Variants in ZNF35 observed in about 807,000 individuals in gnomAD.
ZNF35 encodes zinc finger protein 35 (clone HF.10).
In ZNF35, 31 loss-of-function variants were observed where a neutral mutation model predicts 45.9. The ratio of observed to expected loss-of-function variants is 0.68; its 90% CI spans 0.51 to 0.91. ZNF35 has a LOEUF of 0.91. Ranked by LOEUF, ZNF35 falls within the 40% of genes least tolerant of loss-of-function variation. The pLI, the probability that ZNF35 is intolerant of heterozygous loss-of-function variation, is 0.00. For missense variants in ZNF35, 515 were observed against 625.4 expected, an observed-to-expected ratio of 0.82 and a Z score of 1.88; for synonymous variants, 205 against 220.2, an observed-to-expected ratio of 0.93 and a Z score of 0.61.
At chr3:44,652,290 C>T (rs951444581) in intron 2 of ZNF35, among the ~76,000 whole-genome samples, 3 of 152,290 alleles carry the variant, frequency 2.0e-5, no homozygotes, top group Middle Eastern at 3.4e-3. Context: ...TATGCTCTCT[C>T]CTCTTATCAT....
At chr3:44,650,104 G>A (rs771575479) in intron 1 of ZNF35, among the ~76,000 whole-genome samples, 1 of 151,520 alleles carries the variant, frequency 6.6e-6, no homozygotes, top group African/African-American at 2.4e-5. Context: ...AGTGTGTGTA[G>A]GTTATATATT....
intron 3 of ZNF35, among the ~76,000 whole-genome samples, chr3:44,657,695 T>C (rs144068112): frequency 7.9e-4 from 120 of 152,328 alleles, no homozygotes; most frequent in African/African-American, 2.7e-3. Flanking sequence ...AGGTCAGCTT[T>C]CCTTGACACA....
At chr3:44,650,499 T>C (rs1202198660) in intron 1 of ZNF35, among the ~76,000 whole-genome samples, 3 of 152,178 alleles carry the variant, frequency 2.0e-5, no homozygotes, top group Non-Finnish European at 1.5e-5. Context: ...ATGATGATAA[T>C]TGTGAAAATA....
At position 44,659,437 on chromosome 3, in the gene ZNF35, G is replaced by C; in HGVS notation, c.1074G>C (p.Gly358=). Residue 358 remains glycine, a synonymous_variant, in exon 4 of 4, where the codon GGG becomes GGC. Transcript: ENST00000396056. This position sits in a 1 kb window ranked among gnomAD's most constrained non-coding sequence, Gnocchi z 4.3. ...TTGTCCACCAGAGGATCCACACTGG[G>C]GAGAAGCCCTTTGCCTGTAACGACT... ...NLIVHQRIHT[G]EKPFACNDCG... 6.2e-7 allele frequency: 1 copy of C among 1,613,566 alleles called. No individual in the cohort carries two copies. The highest frequency in any genetic ancestry group is 8.5e-7 in the Non-Finnish European group (1 of 1,179,726).
At chr3:44,648,582 G>A (rs1426790110), upstream of ZNF35, 1 of 152,170 alleles carries the variant, frequency 6.6e-6, no homozygotes, top group African/African-American at 2.4e-5. Context: ...CTCACTTAGA[G>A]CTTCCAACAG....
intron 3 of ZNF35, among the ~76,000 whole-genome samples, chr3:44,653,607 C>A (rs1024214171): frequency 1.3e-5 from 2 of 152,126 alleles, no homozygotes; most frequent in East Asian, 3.9e-4. Flanking sequence ...GATCTTTGTG[C>A]AAATTATAGA....
intron 3 of ZNF35, among the ~76,000 whole-genome samples, chr3:44,656,267 A>C (rs77257746): frequency 0.088 from 13,331 of 152,242 alleles, 666 homozygotes; most frequent in Non-Finnish European, 0.11. Flanking sequence ...AGGAAAAAAT[A>C]AGCAGCAGCA....
At position 44,659,954 on chromosome 3, in the gene ZNF35, A is replaced by C; in HGVS notation, c.*7A>C. 1.3e-6 allele frequency: 2 copies of C among 1,530,186 alleles called. No individual in the cohort carries two copies. The highest frequency in any genetic ancestry group is 1.8e-6 in the Non-Finnish European group (2 of 1,139,556). The allele number at this position is 1,530,186 out of a possible 1,614,324, so 94.8% of individuals were successfully genotyped here. A position where few individuals can be genotyped will look rare whatever the true frequency, so the allele number is the denominator to read the frequency against. On this transcript the variant is annotated 3_prime_UTR_variant, in exon 4 of 4. Transcript: ENST00000396056. The surrounding 1 kb of genome is among the most constrained non-coding windows in gnomAD (Gnocchi z 4.3). The stretch of plus-strand genomic sequence containing the variant: ...AACCCATCTTGTTGAATAACAAGTA[A>C]GGAAGAGGAAGACCTCCAGCATTGG...
intron 1 of ZNF35, among the ~76,000 whole-genome samples, chr3:44,649,480 A>G (rs1703135864): frequency 6.6e-6 from 1 of 152,198 alleles, no homozygotes; most frequent in Admixed American, 6.5e-5. Context: ...AAAACATTCA[A>G]AGGGGGTTAG....
At chr3:44,646,790 T>G, upstream of ZNF35, 1 of 388,842 alleles carries the variant, frequency 2.6e-6, no homozygotes, top group Non-Finnish European at 4.7e-6. Context: ...GAACCAGAAA[T>G]AGACTCACAT....
rs1367742055 is a variant in ZNF35, at chr3:44,658,854, G to T, written c.491G>T (p.Arg164Met). Residue 164 changes from arginine to methionine, a missense_variant, in exon 4 of 4, where the codon AGG becomes ATG. Coordinates refer to ENST00000396056, the MANE Select transcript of ZNF35 (RefSeq NM_003420.4). ...EACEKGNMLKRQRIKREKKDF... is the reference protein window; with the variant it reads ...EACEKGNMLKMQRIKREKKDF... ...TGTGAAAAGGGAAACATGTTAAAGAGGCAGAGAATAAAGAGAGAAAAGAAA... is the reference window on the plus strand; with the variant it reads ...TGTGAAAAGGGAAACATGTTAAAGATGCAGAGAATAAAGAGAGAAAAGAAA... 1 of 1,613,566 alleles carries T rather than the reference G, an allele frequency of 6.2e-7. No homozygotes were observed. The highest frequency in any genetic ancestry group is 1.1e-5 in the South Asian group (1 of 90,840).
At chr3:44,657,296 G>A (rs1703327194) in intron 3 of ZNF35, among the ~76,000 whole-genome samples, 2 of 152,186 alleles carry the variant, frequency 1.3e-5, no homozygotes, top group Non-Finnish European at 2.9e-5. Context: ...ATAACCTGAA[G>A]CTCACAGCAC....
At chr3:44,647,950 T>A (rs1703055406), upstream of ZNF35, 1 of 152,220 alleles carries the variant, frequency 6.6e-6, no homozygotes, top group Non-Finnish European at 1.5e-5. Flanking sequence ...GTACCAATGT[T>A]GATTTCCTTT....
At chr3:44,646,959 A>C (rs973519875), upstream of ZNF35, 1 of 154,296 alleles carries the variant, frequency 6.5e-6, no homozygotes, top group Non-Finnish European at 1.4e-5. Context: ...ACTCAAAAGC[A>C]TGCTCCTTAG....
intron 3 of ZNF35, among the ~76,000 whole-genome samples, chr3:44,657,268 T>C (rs1703326353): frequency 6.6e-6 from 1 of 152,242 alleles, no homozygotes; most frequent in African/African-American, 2.4e-5. Context: ...GTCTCTCCCC[T>C]GCGCAGTAGC....
intron 3 of ZNF35, among the ~76,000 whole-genome samples, chr3:44,653,648 A>C (rs535481835): frequency 2.4e-4 from 36 of 152,302 alleles, no homozygotes; most frequent in African/African-American, 7.9e-4. Context: ...AACCATAATG[A>C]TGTTCAAAAC....
intron 1 of ZNF35, among the ~76,000 whole-genome samples, chr3:44,650,068 TTGTGTG>T (rs10575761): frequency 8.7e-5 from 13 of 150,024 alleles, no homozygotes; most frequent in Non-Finnish European, 1.3e-4. Flanking sequence ...GATAAGTACT[TTGTGTG>T]TGTGTGTGTG....
rs1009958479 is a variant in ZNF35, at chr3:44,652,429, C to T, written c.193-128C>T. ...TGGGGGTTGGAGGAGACTCTGGCTT[C>T]CTTTTCTGTTTTTAAAAATTGTTCT... is the stretch of plus-strand genomic sequence containing the variant. On this transcript the variant is annotated intron_variant, in intron 2 of 3. Transcript: ENST00000396056. 112 of 1,021,196 alleles carry T rather than the reference C, an allele frequency of 1.1e-4. No individual in the cohort carries two copies. In the African/African-American group the frequency reaches 1.6e-3, roughly 15 times the overall value. The allele number at this position is 1,021,196 out of a possible 1,614,324, so 63.3% of individuals were successfully genotyped here.
In ZNF35 at chr3:44,650,950, C is replaced by A; in HGVS notation, c.-118C>A. The stretch of plus-strand genomic sequence containing the variant: ...TTTTCTGATTTCTCAGTAGGCAGTA[C>A]TCATCTTGGCCCTGGGAAGAAACTC... On this transcript the variant is annotated 5_prime_UTR_variant, in exon 2 of 4. Transcript: ENST00000396056. The A allele has an allele frequency of 1.0e-6, 1 of 962,616 alleles. No homozygotes were observed. Among genetic ancestry groups the A allele is most frequent in the Non-Finnish European group, 1.5e-6 (1 of 656,918 alleles). The allele number at this position is 962,616 out of a possible 1,614,324, so 59.6% of individuals were successfully genotyped here.
Sources: allele counts gnomAD v4.1 joint callset (sites outside exome capture counted in the v4.1 genomes callset), GRCh38; gene constraint gnomAD v4.1.1; non-coding constraint Gnocchi (gnomAD v3.1); transcripts MANE v1.5; gene names NCBI Gene and HGNC (gene_info 2026-07-23, HGNC 2026-07-21).